The following TRIM49D1 variants were observed in gnomAD, a reference collection of about 807,000 sequenced individuals.
The protein encoded by TRIM49D1 is tripartite motif containing 49D1, also known as tripartite motif-containing protein 49D.
chr11:89,921,698 G>T (rs184306969), intron 1 of TRIM49D1, 154 bp downstream of exon 1: 136 of 152,142 alleles, frequency 8.9e-4, no homozygotes, highest in African/African-American at 3.2e-3. Context: ...AAAATCCTCA[G>T]CTGGCTGGAT....
At position 89,921,998 on chromosome 11, in the gene TRIM49D1, G is replaced by C. The variant is rs1950337393; in HGVS notation, c.-362C>G. On this transcript the variant is annotated 5_prime_UTR_variant, in exon 1 of 8. Coordinates refer to ENST00000420869, the MANE Select transcript of TRIM49D1 (RefSeq NM_001384911.1). ...GTCCAGTTTCATTCTCCTACATGTG[G>C]CTTGCCAATTATCCCAGCACCATTT... is the stretch of plus-strand genomic sequence containing the variant. Among the ~76,000 whole-genome samples the C allele has an allele frequency of 6.6e-6, 1 of 151,966 alleles. No homozygotes were observed. The highest frequency in any genetic ancestry group is 2.4e-5 in the African/African-American group (1 of 41,294).
intron 1 of TRIM49D1, among the ~76,000 whole-genome samples, chr11:89,921,296 A>G (rs542525176): frequency 2.6e-5 from 4 of 152,148 alleles, no homozygotes; most frequent in Non-Finnish European, 2.9e-5. Context: ...TAATTTGGGG[A>G]TTATAAACAA....
chr11:89,921,477 C>A (rs1269984034), intron 1 of TRIM49D1, among the ~76,000 whole-genome samples: 1 of 151,942 alleles, frequency 6.6e-6, no homozygotes, highest in Non-Finnish European at 1.5e-5. Flanking sequence ...TTGCCAATAG[C>A]CCCCACAAGA....
rs1950338384 is a variant in TRIM49D1 at position 89,922,135 on chromosome 11, C to T, written c.-499G>A. On this transcript the variant is annotated 5_prime_UTR_variant, in exon 1 of 8. Coordinates refer to ENST00000420869, the MANE Select transcript of TRIM49D1 (RefSeq NM_001384911.1). Reference sequence around the variant, plus strand: ...GGGTTCTCTATTCTGTTCCACTGGTCTATGTGCCTATTTTTGTACCAGTAC... The same window carrying T: ...GGGTTCTCTATTCTGTTCCACTGGTTTATGTGCCTATTTTTGTACCAGTAC... Among the ~76,000 whole-genome samples, 1 of 151,882 alleles carries T rather than the reference C, an allele frequency of 6.6e-6. No homozygotes were observed. The highest frequency in any genetic ancestry group is 1.5e-5 in the Non-Finnish European group (1 of 68,020).
intron 1 of TRIM49D1, among the ~76,000 whole-genome samples, chr11:89,921,019 A>C (rs952592366): frequency 6.6e-6 from 1 of 152,104 alleles, no homozygotes; most frequent in African/African-American, 2.4e-5. Flanking sequence ...GAGTACAGGC[A>C]TAAACCACCT....
intron 1 of TRIM49D1, among the ~76,000 whole-genome samples, chr11:89,921,364 A>G (rs1950331431): frequency 6.6e-6 from 1 of 152,046 alleles, no homozygotes; most frequent in Non-Finnish European, 1.5e-5. Context: ...GATGGATTAT[A>G]TTTTTCTTTC....
intron 1 of TRIM49D1, among the ~76,000 whole-genome samples, chr11:89,921,429 G>C (rs1440928897): frequency 1.3e-5 from 2 of 151,982 alleles, no homozygotes; most frequent in Non-Finnish European, 2.9e-5. Flanking sequence ...AGAGATTTAA[G>C]AAGCGGCTAC....
At chr11:89,920,634 G>C (rs1215720261) in intron 1 of TRIM49D1, 125 bp from the exon 2 acceptor site, 3 of 374,008 alleles carry the variant, frequency 8.0e-6, no homozygotes, top group Non-Finnish European at 1.4e-5. Flanking sequence ...TGATTTAAAT[G>C]AATCATATGT....
At position 89,920,609 on chromosome 11, in the gene TRIM49D1, C is replaced by G. The variant is rs1396207728; in HGVS notation, c.-215-100G>C. ...TGCACCGCTGATTAAATTATCATCACTCCTTAAAAAACCATGATTTAAATG... is the reference window on the plus strand; with the variant it reads ...TGCACCGCTGATTAAATTATCATCAGTCCTTAAAAAACCATGATTTAAATG... On this transcript the variant is annotated intron_variant, in intron 1 of 7. Transcript: ENST00000420869. The G allele has an allele frequency of 1.1e-5, 4 of 354,174 alleles. No homozygotes were observed. The East Asian group carries it at 1.7e-4, about 15-fold the overall frequency. 21.9% of individuals were successfully genotyped at this position (354,174 alleles called of 1,614,324 possible).
chr11:89,920,745 G>A (rs1333479082), intron 1 of TRIM49D1, among the ~76,000 whole-genome samples: 1 of 151,860 alleles, frequency 6.6e-6, no homozygotes, highest in Non-Finnish European at 1.5e-5. Flanking sequence ...TCCTCTAAGG[G>A]CACATTTATT....
intron 1 of TRIM49D1, chr11:89,921,535 A>C (rs997848861): frequency 1.3e-5 from 2 of 152,020 alleles, no homozygotes; most frequent in African/African-American, 4.8e-5. Flanking sequence ...TGTCAGCCCT[A>C]TGTCTGTCAA....
chr11:89,921,492 T>A (rs1950331969), intron 1 of TRIM49D1: 1 of 152,042 alleles, frequency 6.6e-6, no homozygotes, highest in Non-Finnish European at 1.5e-5. Flanking sequence ...ACAAGACTTA[T>A]ATTCAAGAGT....
intron 1 of TRIM49D1, among the ~76,000 whole-genome samples, chr11:89,921,278 A>G (rs1237753093): frequency 6.6e-6 from 1 of 152,070 alleles, no homozygotes; most frequent in African/African-American, 2.4e-5. Flanking sequence ...GAAATGCAAT[A>G]TAGTAATTAA....
chr11:89,920,809 T>C (rs1950327433), intron 1 of TRIM49D1, among the ~76,000 whole-genome samples: 1 of 152,008 alleles, frequency 6.6e-6, no homozygotes, highest in South Asian at 2.1e-4. Flanking sequence ...CATAGCTCAC[T>C]GCAGCCTTGA....
Position 89,922,109 on chromosome 11 carries a change from T to C in TRIM49D1, c.-473A>G, listed in dbSNP as rs1950337999. 6.6e-6 allele frequency among the ~76,000 whole-genome samples: 1 copy of C among 152,006 alleles called. No individual in the cohort carries two copies. The highest frequency in any genetic ancestry group is 1.5e-5 in the Non-Finnish European group (1 of 68,020). On this transcript the variant is annotated 5_prime_UTR_variant, in exon 1 of 8. Transcript: ENST00000420869. ...GTTGTTAAGTATTTGGGTTCATTTC[T>C]GGGTTCTCTATTCTGTTCCACTGGT... is the stretch of plus-strand genomic sequence containing the variant.
chr11:89,921,710 C>A (rs564087899), intron 1 of TRIM49D1, 142 bp downstream of exon 1: 1 of 152,078 alleles, frequency 6.6e-6, no homozygotes, highest in South Asian at 2.1e-4. Context: ...TGGCTGGATC[C>A]CAATGGTCAG....
chr11:89,921,617 A>G (rs1170091814), intron 1 of TRIM49D1: 1 of 152,002 alleles, frequency 6.6e-6, no homozygotes, highest in African/African-American at 2.4e-5. Flanking sequence ...ATTAAGTGCA[A>G]GGAACCGGTT....
In TRIM49D1 at chr11:89,911,540, TA is replaced by T. The variant is rs1045172893; in HGVS notation, c.*46del. The T allele has an allele frequency of 8.7e-6, 5 of 574,930 alleles. No individual in the cohort carries two copies. The African/African-American group carries it at 8.7e-5, about 10-fold the overall frequency. The allele number at this position is 574,930 out of a possible 1,614,324, so 35.6% of individuals were successfully genotyped here. On this transcript the variant is annotated 3_prime_UTR_variant, in exon 8 of 8. Coordinates refer to ENST00000420869, the MANE Select transcript of TRIM49D1 (RefSeq NM_001384911.1). ...GCACAAGGAAGAGGGCTTTCTGGGA[TA>T]AAGGGGTTCCCACAGCAGATGAACA...
At chr11:89,920,902 T>C (rs1473561042) in intron 1 of TRIM49D1, among the ~76,000 whole-genome samples, 1 of 152,072 alleles carries the variant, frequency 6.6e-6, no homozygotes, top group African/African-American at 2.4e-5. Flanking sequence ...CTGGCTAATG[T>C]TTTTTTAAAA....
Sources: gnomAD v4.1 joint callset for allele counts (sites outside exome capture counted in the v4.1 genomes callset) on GRCh38, gnomAD v4.1.1 for gene constraint, MANE v1.5 for transcripts, NCBI Gene and HGNC (gene_info 2026-07-23, HGNC 2026-07-21) for gene names.